Variants in SOX6 observed in about 807,000 individuals in gnomAD.
The protein encoded by SOX6 is SRY-box transcription factor 6, also known as transcription factor SOX-6.
Under a neutral mutation model 97.8 loss-of-function variants are expected in SOX6, and 11 were observed. The ratio of observed to expected loss-of-function variants is 0.11; its 90% CI spans 0.07 to 0.19. The LOEUF is 0.19. SOX6 is among the 10% of genes least tolerant of loss of function. SOX6 has a pLI of 1.00. For synonymous variants in SOX6, 360 were observed against 371.4 expected, an observed-to-expected ratio of 0.97 and a Z score of 0.35; for missense variants, 810 against 1,039.5, an observed-to-expected ratio of 0.78 and a Z score of 3.04.
chr11:16,205,215 T>A (rs944249031), intron 4 of SOX6, among the ~76,000 whole-genome samples: 1 of 152,160 alleles, frequency 6.6e-6, no homozygotes, highest in African/African-American at 2.4e-5. Flanking sequence ...AGTTTTCATA[T>A]GTGCTAGTTA....
At chr11:16,206,611 TA>T (rs1852078765) in intron 4 of SOX6, among the ~76,000 whole-genome samples, 2 of 152,160 alleles carry the variant, frequency 1.3e-5, no homozygotes, top group African/African-American at 4.8e-5. Flanking sequence ...TCAAGTGAGT[TA>T]ACGCAAGTTA....
At chr11:16,725,341 T>C (rs1848298948) in intron 2 of SOX6, among the ~76,000 whole-genome samples, 2 of 152,054 alleles carry the variant, frequency 1.3e-5, no homozygotes, top group African/African-American at 4.8e-5. Context: ...GTGGACAACA[T>C]GGTGAAACCT....
Position 16,186,899 on chromosome 11 carries a change from G to T in SOX6, c.592C>A (p.Leu198Met). ...ERQLSTMITQ[L>M]ISLREQLLAA... is the part of the protein sequence containing the mutation. Reference sequence around the variant, plus strand: ...AGTAGCTGCTCCCGTAAACTGATCAGCTGGGTAATCATGGTGGAGAGCTGC... The same window carrying T: ...AGTAGCTGCTCCCGTAAACTGATCATCTGGGTAATCATGGTGGAGAGCTGC... Residue 198 changes from leucine (L) to methionine (M), a missense_variant, in exon 5 of 16, where the codon CTG (leucine) becomes ATG (methionine). Physicochemically the swap from Leu to Met is conservative, Grantham distance 15 (BLOSUM62 2). Coordinates refer to ENST00000683767, the MANE Select transcript of SOX6 (RefSeq NM_001367873.1). 6.2e-7 allele frequency: 1 copy of T among 1,613,858 alleles called. No homozygotes were observed. Among genetic ancestry groups the T allele is most frequent in the Non-Finnish European group, 8.5e-7 (1 of 1,179,850 alleles).
At chr11:16,569,178 C>T (rs547541744) in intron 4 of SOX6, among the ~76,000 whole-genome samples, 11 of 152,158 alleles carry the variant, frequency 7.2e-5, no homozygotes, top group Non-Finnish European at 1.3e-4. Context: ...AAGGCTTTTG[C>T]AAAATTCTTT....
chr11:15,967,281 T>C lies in SOX6; in HGVS notation c.*5528A>G, dbSNP rs1043692018. 1 of 152,204 alleles carries C rather than the reference T, an allele frequency of 6.6e-6. No homozygotes were observed. The highest frequency in any genetic ancestry group is 1.5e-5 in the Non-Finnish European group (1 of 68,038). The allele number at this position is 152,204 out of a possible 1,614,324, so 9.4% of individuals were successfully genotyped here. On this transcript the variant is annotated 3_prime_UTR_variant, in exon 16 of 16. Transcript: ENST00000683767. ...TCAAGGGCCACACCCAGTGTTGCTA[T>C]AGGAACCAAAGCACAGTACCTTGAC...
chr11:16,250,123 T>A (rs1291432247), intron 3 of SOX6, among the ~76,000 whole-genome samples: 1 of 152,172 alleles, frequency 6.6e-6, no homozygotes, highest in East Asian at 1.9e-4. Context: ...CATTACCACC[T>A]GAGCTCTGCC....
intron 1 of SOX6, among the ~76,000 whole-genome samples, chr11:16,411,104 T>C (rs764180641): frequency 1.3e-5 from 2 of 152,162 alleles, no homozygotes; most frequent in African/African-American, 4.8e-5. Context: ...GTATTTGGTC[T>C]TGGTTGCAAA....
chr11:16,202,704 T>G (rs147293736), intron 4 of SOX6, among the ~76,000 whole-genome samples: 344 of 152,188 alleles, frequency 2.3e-3, no homozygotes, highest in African/African-American at 8.0e-3. Flanking sequence ...TTTTCAAGCT[T>G]ATACCTAGTC....
At chr11:16,372,161 T>C (rs558426672) in intron 1 of SOX6, among the ~76,000 whole-genome samples, 1 of 152,188 alleles carries the variant, frequency 6.6e-6, no homozygotes, top group East Asian at 1.9e-4. Flanking sequence ...AGTTTATTGA[T>C]TGATTAATGA....
chr11:16,075,944 C>T (rs959724065), intron 9 of SOX6, among the ~76,000 whole-genome samples: 5 of 151,840 alleles, frequency 3.3e-5, no homozygotes, highest in East Asian at 1.9e-4. Context: ...AGAACCTTTC[C>T]GCATGATTCA....
intron 1 of SOX6, among the ~76,000 whole-genome samples, chr11:16,429,295 T>C (rs1173171864): frequency 6.6e-6 from 1 of 152,092 alleles, no homozygotes; most frequent in African/African-American, 2.4e-5. Flanking sequence ...AAGACAGAAA[T>C]ACCATTCGAC....
chr11:16,644,130 T>G (rs1564857233), intron 3 of SOX6, among the ~76,000 whole-genome samples: 1 of 152,004 alleles, frequency 6.6e-6, no homozygotes, highest in African/African-American at 2.4e-5. Context: ...AGCCTCAACC[T>G]CCCAGGCTCA....
intron 12 of SOX6, among the ~76,000 whole-genome samples, chr11:16,039,055 C>A (rs1160468403): frequency 1.3e-5 from 2 of 152,056 alleles, no homozygotes; most frequent in African/African-American, 4.8e-5. Flanking sequence ...AGCTCACAAT[C>A]GAGTCTGTGG....
intron 4 of SOX6, among the ~76,000 whole-genome samples, chr11:16,598,684 T>C (rs1848237578): frequency 6.6e-6 from 1 of 152,068 alleles, no homozygotes; most frequent in South Asian, 2.1e-4. Context: ...TTCTTTTTTC[T>C]ACATATGGGG....
At chr11:16,396,947 T>C (rs903432991) in intron 1 of SOX6, among the ~76,000 whole-genome samples, 5 of 151,628 alleles carry the variant, frequency 3.3e-5, no homozygotes, top group African/African-American at 1.2e-4. Context: ...TTAAACATCA[T>C]GATGAAATAA....
At chr11:16,414,291 G>C (rs965862792) in intron 1 of SOX6, among the ~76,000 whole-genome samples, 1 of 152,096 alleles carries the variant, frequency 6.6e-6, no homozygotes, top group African/African-American at 2.4e-5. Flanking sequence ...CTTCAGAAAC[G>C]TTTCATTTAA....
At chr11:16,619,553 GT>G (rs1380714780) in intron 3 of SOX6, among the ~76,000 whole-genome samples, 7 of 151,870 alleles carry the variant, frequency 4.6e-5, no homozygotes, top group African/African-American at 1.7e-4. Flanking sequence ...GAAATATGGT[GT>G]TTCTATTGCC....
chr11:16,223,449 A>T (rs1056084931), intron 4 of SOX6, among the ~76,000 whole-genome samples: 2 of 152,134 alleles, frequency 1.3e-5, no homozygotes, highest in Admixed American at 1.3e-4. Flanking sequence ...TTTCACTCTC[A>T]GATTCATATT....
At chr11:16,020,788 C>A (rs989845988) in intron 12 of SOX6, among the ~76,000 whole-genome samples, 3 of 152,064 alleles carry the variant, frequency 2.0e-5, no homozygotes, top group African/African-American at 7.2e-5. Flanking sequence ...TCATGTGCAC[C>A]ACCAAGTCTC....
Sources: allele counts gnomAD v4.1 joint callset (sites outside exome capture counted in the v4.1 genomes callset), GRCh38; gene constraint gnomAD v4.1.1; transcripts MANE v1.5; gene names NCBI Gene and HGNC (gene_info 2026-07-23, HGNC 2026-07-21).